PHF12: variants seen among roughly 807,000 people sequenced by gnomAD.
PHF12 encodes the protein PHD factor 1.
PHF12 carries 6 observed loss-of-function variants against 99.8 expected under a neutral mutation model. The ratio of observed to expected loss-of-function variants is 0.06; its 90% confidence interval spans 0.03 to 0.12. The LOEUF (loss-of-function observed/expected upper bound fraction) is 0.12. Ranked by LOEUF, PHF12 falls within the 10% of genes least tolerant of loss-of-function variation. The probability of loss-of-function intolerance (pLI) is 1.00; values close to 1 mark genes in which losing one functional copy is unlikely to be tolerated. For missense variants in PHF12, 954 were observed against 1,300.1 expected, an observed-to-expected ratio of 0.73 and a Z score of 4.09; for synonymous variants, 480 against 514.9, an observed-to-expected ratio of 0.93 and a Z score of 0.92.
chr17:28,944,398 T>C (rs1234803016), intron 2 of PHF12: 1 of 759,870 alleles, frequency 1.3e-6, no homozygotes, highest in African/African-American at 1.9e-5. Flanking sequence ...AACCTCCTTT[T>C]CCACTTTAAA....
At position 28,906,395 on chromosome 17, in the gene PHF12, C is replaced by A; in HGVS notation, c.2803G>T (p.Gly935Trp). ...NCKASSSSLIGGSGAGWEGTA... is the reference protein window; with the variant it reads ...NCKASSSSLIWGSGAGWEGTA... ...CCCTCCCAGCCGGCCCCACTGCCCC[C>A]AATCAAGCTCGAGCTGCTGGCTTTG... is the stretch of plus-strand genomic sequence containing the variant. The change falls in exon 15 of 15, where the codon GGG becomes TGG. Residue 935 changes from glycine (G) to tryptophan (W), a missense_variant. Around this residue, in one of 8 missense-constraint regions of PHF12, gnomAD observed 136 missense variants for 172.3 expected, o/e 0.79. Transcript: ENST00000332830. The surrounding 1 kb of genome is among the most constrained non-coding windows in gnomAD (Gnocchi z 4.2). 6.2e-7 allele frequency: 1 copy of A among 1,614,230 alleles called. No homozygotes were observed. The highest frequency in any genetic ancestry group is 8.5e-7 in the Non-Finnish European group (1 of 1,180,048).
intron 2 of PHF12, among the ~76,000 whole-genome samples, chr17:28,945,566 C>T (rs2040706487): frequency 1.3e-5 from 2 of 152,166 alleles, no homozygotes. Context: ...TTTGGTCCCT[C>T]AGTCTGTTTG....
chr17:28,928,041 GT>G (rs1197628569), intron 2 of PHF12, among the ~76,000 whole-genome samples: 1 of 152,188 alleles, frequency 6.6e-6, no homozygotes, highest in Non-Finnish European at 1.5e-5. Flanking sequence ...AATTTGGGAG[GT>G]GGAGGTTGCA....
intron 3 of PHF12, chr17:28,925,841 T>C (rs2152668182): frequency 6.6e-6 from 1 of 152,372 alleles, no homozygotes; most frequent in South Asian, 2.1e-4. Context: ...CGATGGGCAC[T>C]AACATAATAT....
intron 2 of PHF12, chr17:28,945,383 T>C (rs1263551649): frequency 6.6e-6 from 1 of 152,188 alleles, no homozygotes; most frequent in African/African-American, 2.4e-5. Context: ...GAGACCTTTT[T>C]ACTCTCATTC....
chr17:28,951,478 G>T lies in PHF12; in HGVS notation c.-518C>A, dbSNP rs1436509638. The T allele has an allele frequency of 1.0e-6, 1 of 985,462 alleles. No individual in the cohort carries two copies. Among genetic ancestry groups the T allele is most frequent in the Non-Finnish European group, 1.2e-6 (1 of 829,924 alleles). 61.0% of individuals were successfully genotyped at this position (985,462 alleles called of 1,614,324 possible). ...TGGCGCAAACTTACCGCGAGCGCCC[G>T]CAAAGCCACCCGCGCAGGCGCCCCG... is the stretch of plus-strand genomic sequence containing the variant. On this transcript the variant is annotated 5_prime_UTR_variant, in exon 1 of 15. Transcript: ENST00000332830.
chr17:28,914,263 T>G (rs1175539267), intron 7 of PHF12, among the ~76,000 whole-genome samples: 1 of 152,128 alleles, frequency 6.6e-6, no homozygotes, highest in Non-Finnish European at 1.5e-5. Context: ...CTGCGTTCTG[T>G]CTTCTGCTTT....
At chr17:28,944,620 C>T in intron 2 of PHF12, 2 of 578,668 alleles carry the variant, frequency 3.5e-6, no homozygotes, top group Non-Finnish European at 2.2e-6. Context: ...GCACTCTAGC[C>T]TGGGCAACAG....
Position 28,912,944 on chromosome 17 carries a change from T to C in PHF12, c.1627A>G (p.Thr543Ala), listed in dbSNP as rs2039992185. The C allele has an allele frequency of 1.2e-6, 2 of 1,614,120 alleles. No individual in the cohort carries two copies. Among genetic ancestry groups the C allele is most frequent in the Non-Finnish European group, 1.7e-6 (2 of 1,180,050 alleles). The part of the protein sequence containing the change: ...PCGTANGPVN[T>A]EVKANGPHLY... ...TGTGGGCCATTAGCTTTCACCTCTGTGTTCACTGGCCCATTGGCAGTCCCA... is the reference window on the plus strand; with the variant it reads ...TGTGGGCCATTAGCTTTCACCTCTGCGTTCACTGGCCCATTGGCAGTCCCA... The change falls in exon 9 of 15, where the codon ACA becomes GCA. Residue 543 changes from threonine (T) to alanine (A), a missense_variant. This residue lies in a region of PHF12 where 392 missense variants were observed against 423.1 expected (regional missense o/e 0.93). Coordinates refer to ENST00000332830, the MANE Select transcript of PHF12 (RefSeq NM_001033561.2).
At chr17:28,940,745 G>C (rs1448858371) in intron 2 of PHF12, among the ~76,000 whole-genome samples, 1 of 152,204 alleles carries the variant, frequency 6.6e-6, no homozygotes, top group African/African-American at 2.4e-5. Flanking sequence ...CAAGTCCTGG[G>C]AAAAGCAGTC....
chr17:28,951,336 G>A lies in PHF12; in HGVS notation c.-376C>T, dbSNP rs1336000685. The stretch of plus-strand genomic sequence containing the variant: ...CGGGGCTGGGGGTATCGGAGGGGGG[G>A]TGAGAGGTTACGTGAGGTTGTGGTA... On this transcript the variant is annotated 5_prime_UTR_variant, in exon 1 of 15. Transcript: ENST00000332830. 3.8e-6 allele frequency: 4 copies of A among 1,048,826 alleles called. No individual in the cohort carries two copies. The highest frequency in any genetic ancestry group is 8.7e-5 in the East Asian group (1 of 11,432). 65.0% of individuals were successfully genotyped at this position (1,048,826 alleles called of 1,614,324 possible). A position where few individuals can be genotyped will look rare whatever the true frequency, so the allele number is the denominator to read the frequency against.
chr17:28,915,050 T>C (rs897225890), intron 7 of PHF12, among the ~76,000 whole-genome samples: 1 of 152,196 alleles, frequency 6.6e-6, no homozygotes, highest in Admixed American at 6.5e-5. Flanking sequence ...GAGAAGCATG[T>C]CTAAGGTGCT....
rs1460058883 is a variant in PHF12, at chr17:28,950,439, A to G, written c.67-193T>C. 1.6e-6 allele frequency: 1 copy of G among 610,398 alleles called. No individual in the cohort carries two copies. The highest frequency in any genetic ancestry group is 4.4e-4 in the Middle Eastern group (1 of 2,284). The allele number at this position is 610,398 out of a possible 1,614,324, so 37.8% of individuals were successfully genotyped here. ...ACCCTAACCGCGTTCCTGCAGCACA[A>G]CAACGAGAACAGCTTCTTCCAAATG... On this transcript the variant is annotated intron_variant, in intron 1 of 14. Transcript: ENST00000332830. This position sits in a 1 kb window ranked among gnomAD's most constrained non-coding sequence, Gnocchi z 5.7.
intron 6 of PHF12, among the ~76,000 whole-genome samples, 184 bp from the exon 7 acceptor site, chr17:28,917,633 C>T (rs2040086409): frequency 6.6e-6 from 1 of 152,202 alleles, no homozygotes; most frequent in Non-Finnish European, 1.5e-5. Context: ...TCCTACTCAG[C>T]CCTGCCCAGT....
rs368458981 is a variant in PHF12 at position 28,906,903 on chromosome 17, G to A, written c.2633C>T (p.Pro878Leu). The change falls in exon 14 of 15, where the codon CCG (proline) becomes CTG (leucine). Residue 878 changes from proline to leucine, a missense_variant. Around this residue, in one of 8 missense-constraint regions of PHF12, gnomAD observed 136 missense variants for 172.3 expected, o/e 0.79. Transcript: ENST00000332830. This position sits in a 1 kb window ranked among gnomAD's most constrained non-coding sequence, Gnocchi z 4.2. ...LYSCDFSEKT[P>L]PTPPSSIVAK... ...AACAATACTGCTTGGGGGGGTTGGC[G>A]GGGTCTTCTCCGAGAAGTCACATGA... 2.6e-5 allele frequency: 42 copies of A among 1,612,878 alleles called. No homozygotes were observed. The highest frequency in any genetic ancestry group is 1.1e-4 in the African/African-American group (8 of 74,812).
intron 4 of PHF12, among the ~76,000 whole-genome samples, chr17:28,922,565 T>C (rs551343764): frequency 6.6e-6 from 1 of 152,258 alleles, no homozygotes; most frequent in South Asian, 2.1e-4. Context: ...ATCAAAACTA[T>C]ATAGTTTTGA....
chr17:28,931,764 T>C (rs1359623303), intron 2 of PHF12, among the ~76,000 whole-genome samples: 1 of 151,144 alleles, frequency 6.6e-6, no homozygotes. Flanking sequence ...GTTTTTTTTT[T>C]AGAGATGGGG....
At chr17:28,931,905 C>T (rs2040417551) in intron 2 of PHF12, among the ~76,000 whole-genome samples, 1 of 151,966 alleles carries the variant, frequency 6.6e-6, no homozygotes, top group Non-Finnish European at 1.5e-5. Context: ...TTCTTAGGGA[C>T]AGAACATGCA....
chr17:28,908,935 A>C, intron 11 of PHF12, 54 bp from the exon 12 acceptor site: 1 of 1,519,442 alleles, frequency 6.6e-7, no homozygotes, highest in Non-Finnish European at 9.0e-7. Flanking sequence ...CCTGTGATCC[A>C]AACATAAACC....
Sources: gnomAD v4.1 joint callset for allele counts (sites outside exome capture counted in the v4.1 genomes callset) on GRCh38, gnomAD v4.1.1 for gene constraint, gnomAD v4.1.1 regional missense constraint, Gnocchi (gnomAD v3.1) non-coding constraint, MANE v1.5 for transcripts, NCBI Gene and HGNC (gene_info 2026-07-23, HGNC 2026-07-21) for gene names.